TMEM131L: variants seen among roughly 807,000 people sequenced by gnomAD.
TMEM131L encodes transmembrane protein 131-like.
Under a neutral mutation model 192.2 loss-of-function variants are expected in TMEM131L, and 54 were observed. That is an observed-to-expected ratio of 0.28 (90% CI 0.23 to 0.35). The LOEUF is 0.35. TMEM131L is among the 10% of genes least tolerant of loss of function. The pLI, the probability that TMEM131L is intolerant of heterozygous loss-of-function variation, is 1.00. For synonymous variants in TMEM131L, 701 were observed against 704.9 expected (o/e 0.99, Z 0.09); for missense variants, 1,888 against 1,972.9 (o/e 0.96, Z 0.82).
At chr4:153,617,589 AAC>A (rs1486310377) in intron 26 of TMEM131L, among the ~76,000 whole-genome samples, 1 of 152,178 alleles carries the variant, frequency 6.6e-6, no homozygotes, top group Non-Finnish European at 1.5e-5. Context: ...AAGGCTGAAA[AAC>A]ACAAAAAAAA....
chr4:153,570,991 GCT>G (rs2150609255), intron 7 of TMEM131L, among the ~76,000 whole-genome samples: 1 of 152,020 alleles, frequency 6.6e-6, no homozygotes, highest in East Asian at 1.9e-4. Context: ...TTTTTGTGTT[GCT>G]CTCTTTCTTT....
At chr4:153,564,744 T>C (rs746825483) in intron 7 of TMEM131L, among the ~76,000 whole-genome samples, 2 of 152,196 alleles carry the variant, frequency 1.3e-5, no homozygotes, top group Non-Finnish European at 2.9e-5. Context: ...CACATGTCAC[T>C]CTGCTGCTGG....
intron 30 of TMEM131L, 140 bp from the exon 31 acceptor site, chr4:153,627,465 A>G (rs1035988078): frequency 1.6e-6 from 1 of 614,434 alleles, no homozygotes; most frequent in Non-Finnish European, 2.9e-6. Context: ...TACATCCTTT[A>G]TATCTGTATG....
chr4:153,635,201 C>A (rs1734484889), intron 33 of TMEM131L, among the ~76,000 whole-genome samples: 2 of 152,118 alleles, frequency 1.3e-5, no homozygotes, highest in Non-Finnish European at 2.9e-5. Context: ...TAGAGAAAAA[C>A]AAGCCAGGAG....
At chr4:153,476,035 T>G (rs551099002) in intron 3 of TMEM131L, among the ~76,000 whole-genome samples, 1 of 151,786 alleles carries the variant, frequency 6.6e-6, no homozygotes, top group Admixed American at 6.6e-5. Context: ...CTCGGCCTAC[T>G]GCAACCTCCC....
At chr4:153,621,092 T>C (rs1462149389) in intron 27 of TMEM131L, among the ~76,000 whole-genome samples, 2 of 152,236 alleles carry the variant, frequency 1.3e-5, no homozygotes, top group Non-Finnish European at 2.9e-5. Context: ...AGTGACCATT[T>C]TGTATCTTTC....
At chr4:153,523,459 A>G (rs1265842493) in intron 3 of TMEM131L, among the ~76,000 whole-genome samples, 5 of 152,250 alleles carry the variant, frequency 3.3e-5, no homozygotes, top group Non-Finnish European at 7.3e-5. Flanking sequence ...AAAATTCAGA[A>G]GGGAAATAGC....
At chr4:153,605,651 A>G (rs1732179669) in intron 25 of TMEM131L, among the ~76,000 whole-genome samples, 2 of 152,220 alleles carry the variant, frequency 1.3e-5, no homozygotes, top group South Asian at 2.1e-4. Flanking sequence ...CACTGCTCCC[A>G]GCCTATGGTC....
intron 3 of TMEM131L, among the ~76,000 whole-genome samples, chr4:153,546,961 G>A (rs989549705): frequency 6.6e-6 from 1 of 152,104 alleles, no homozygotes; most frequent in East Asian, 1.9e-4. Context: ...TGAAACATAT[G>A]CATGTGTAAG....
intron 15 of TMEM131L, 137 bp from the exon 16 acceptor site, chr4:153,588,750 AAGC>A: frequency 1.8e-6 from 1 of 566,834 alleles, no homozygotes; most frequent in Non-Finnish European, 3.1e-6. Flanking sequence ...TTTAATAAAT[AAGC>A]AGCAGAGACA....
At position 153,466,422 on chromosome 4, in the gene TMEM131L, C is replaced by T. The variant is rs780326021; in HGVS notation, c.25C>T (p.Pro9Ser). 2.9e-6 allele frequency: 4 copies of T among 1,384,822 alleles called. No homozygotes were observed. The highest frequency in any genetic ancestry group is 3.2e-5 in the South Asian group (2 of 63,130). The allele number at this position is 1,384,822 out of a possible 1,614,324, so 85.8% of individuals were successfully genotyped here. The change falls in exon 1 of 35, where the codon CCC becomes TCC. Residue 9 changes from proline to serine, a missense_variant. By Grantham distance (74) the Pro-to-Ser change is moderately conservative. Transcript: ENST00000409959. Reference protein sequence around the residue: MAGLRRPQPGCYCRTAAAV... With the variant: MAGLRRPQSGCYCRTAAAV... The stretch of plus-strand genomic sequence containing the variant: ...CATGGCGGGGCTCCGACGCCCGCAG[C>T]CCGGCTGCTACTGCCGCACCGCGGC...
chr4:153,489,885 G>A (rs902916185), intron 3 of TMEM131L, among the ~76,000 whole-genome samples: 3 of 152,100 alleles, frequency 2.0e-5, no homozygotes, highest in South Asian at 4.2e-4. Flanking sequence ...AGAAAAAAGC[G>A]ACTAATGTAA....
intron 6 of TMEM131L, among the ~76,000 whole-genome samples, chr4:153,557,962 G>A (rs1161250618): frequency 2.6e-5 from 4 of 152,124 alleles, no homozygotes; most frequent in Admixed American, 2.6e-4. Context: ...GCAGAAACAG[G>A]CTTTCACCAT....
At chr4:153,479,998 G>A (rs1041822045) in intron 3 of TMEM131L, among the ~76,000 whole-genome samples, 11 of 152,278 alleles carry the variant, frequency 7.2e-5, no homozygotes, top group Non-Finnish European at 1.2e-4. Context: ...ATCACCTGAC[G>A]TCAGGAGACC....
Position 153,508,408 on chromosome 4 carries a change from A to G in TMEM131L, c.239+34520A>G, listed in dbSNP as rs150132560. The stretch of plus-strand genomic sequence containing the variant: ...GTCACAGTAAGTAAAATGAACGGAA[A>G]CCATGAAGACTGGAATTGTTGAGTA... On this transcript the variant is annotated intron_variant, in intron 3 of 34. Coordinates refer to ENST00000409959, the MANE Select transcript of TMEM131L (RefSeq NM_001131007.2). 2.0e-3 allele frequency among the ~76,000 whole-genome samples: 305 copies of G among 152,344 alleles called. 2 individuals are homozygous for G. Among genetic ancestry groups the G allele is most frequent in the South Asian group, 0.011 (52 of 4,830 alleles).
chr4:153,472,866 C>T (rs1455682806), intron 2 of TMEM131L, among the ~76,000 whole-genome samples: 1 of 152,282 alleles, frequency 6.6e-6, no homozygotes, highest in African/African-American at 2.4e-5. Context: ...ACTGGTAATA[C>T]CCTGGGACCA....
chr4:153,635,595 G>A (rs1249724495), intron 34 of TMEM131L, 24 bp downstream of exon 34: 22 of 1,612,562 alleles, frequency 1.4e-5, no homozygotes, highest in East Asian at 6.7e-5. Context: ...ATCCTGTGCC[G>A]TGAACCCCTG....
chr4:153,625,107 C>T (rs1406245435), intron 29 of TMEM131L, among the ~76,000 whole-genome samples: 1 of 152,134 alleles, frequency 6.6e-6, no homozygotes, highest in African/African-American at 2.4e-5. Flanking sequence ...CTGATGATTC[C>T]AGTGTGGGAT....
intron 24 of TMEM131L, 71 bp from the exon 25 acceptor site, chr4:153,603,731 G>A: frequency 6.9e-7 from 1 of 1,459,190 alleles, no homozygotes; most frequent in Non-Finnish European, 9.2e-7. Flanking sequence ...TTTTCTCATG[G>A]ATATGGAAGC....
Sources: gnomAD v4.1 joint callset for allele counts (sites outside exome capture counted in the v4.1 genomes callset) on GRCh38, gnomAD v4.1.1 for gene constraint, MANE v1.5 for transcripts, NCBI Gene and HGNC (gene_info 2026-07-23, HGNC 2026-07-21) for gene names.